Variants in FAM98B observed in about 807,000 individuals in gnomAD.
FAM98B encodes tRNA splicing ligase complex subunit 3B, also known as tRNA-splicing ligase complex subunit FAM98B.
In FAM98B, 32 loss-of-function variants were observed where a neutral mutation model predicts 43.9. The ratio of observed to expected loss-of-function variants is 0.73; its 90% CI spans 0.55 to 0.98. FAM98B has a LOEUF of 0.98. Among genes scored for constraint, FAM98B ranks in the 50% least tolerant of loss-of-function variants. The pLI is 0.00. For synonymous variants in FAM98B, 190 were observed against 174.0 expected (o/e 1.09, Z -0.72); for missense variants, 514 against 522.9 (o/e 0.98, Z 0.17).
At chr15:38,468,525 A>G (rs1890074965) in intron 3 of FAM98B, among the ~76,000 whole-genome samples, 1 of 152,230 alleles carries the variant, frequency 6.6e-6, no homozygotes, top group South Asian at 2.1e-4. Context: ...AGCTGGTCTT[A>G]ATGAAGTTTT....
intron 1 of FAM98B, among the ~76,000 whole-genome samples, chr15:38,463,827 G>A (rs1357597794): frequency 6.6e-6 from 1 of 152,154 alleles, no homozygotes; most frequent in African/African-American, 2.4e-5. Flanking sequence ...AGGCCATGTA[G>A]TCATCATTTT....
intron 1 of FAM98B, among the ~76,000 whole-genome samples, chr15:38,457,407 G>A (rs1363832570): frequency 6.6e-6 from 1 of 152,162 alleles, no homozygotes; most frequent in African/African-American, 2.4e-5. Flanking sequence ...TGTGAAGATA[G>A]GAGAGAGTTG....
chr15:38,461,618 G>C (rs74009810), intron 1 of FAM98B, among the ~76,000 whole-genome samples: 85 of 152,134 alleles, frequency 5.6e-4, no homozygotes, highest in African/African-American at 2.0e-3. Context: ...TGAAGTCTTA[G>C]TTTCTTTACC....
Position 38,474,209 on chromosome 15 carries a change from C to T in FAM98B, c.640C>T (p.Leu214Phe), listed in dbSNP as rs1566900025. The change falls in exon 6 of 8, where the codon CTT (leucine) becomes TTT (phenylalanine). Residue 214 changes from leucine (L) to phenylalanine (F), a missense_variant. Leu to Phe is a conservative substitution (Grantham distance 22, BLOSUM62 0). Transcript: ENST00000397609. ...ACAACTGGAAAGAATCAATGATGCT[C>T]TTTCCTGTGAATATGAGTGCCGCCG... ...AEQLERINDA[L>F]SCEYECRRRM... is the part of the protein sequence containing the mutation. 6.2e-7 allele frequency: 1 copy of T among 1,613,702 alleles called. No individual in the cohort carries two copies. Among genetic ancestry groups the T allele is most frequent in the South Asian group, 1.1e-5 (1 of 91,062 alleles).
intron 5 of FAM98B, among the ~76,000 whole-genome samples, chr15:38,473,931 T>G (rs1034764487): frequency 6.6e-6 from 1 of 152,204 alleles, no homozygotes; most frequent in Admixed American, 6.5e-5. Context: ...CAAATTTGAT[T>G]ATAGATAAAG....
chr15:38,470,565 G>A (rs1190952227), intron 4 of FAM98B, 160 bp downstream of exon 4: 6 of 566,830 alleles, frequency 1.1e-5, no homozygotes, highest in Non-Finnish European at 1.8e-5. Context: ...TAACAGGCAT[G>A]TGACCTAATC....
intron 1 of FAM98B, among the ~76,000 whole-genome samples, chr15:38,458,057 T>C (rs1359595331): frequency 1.3e-5 from 2 of 151,504 alleles, no homozygotes; most frequent in East Asian, 1.9e-4. Context: ...TCCTTCCCCA[T>C]AGGTTCGAGA....
chr15:38,483,995 A>C (rs1595805792), intron 7 of FAM98B, among the ~76,000 whole-genome samples: 2 of 152,094 alleles, frequency 1.3e-5, no homozygotes, highest in African/African-American at 4.8e-5. Context: ...ATTTGAAACT[A>C]TATATTAACT....
intron 1 of FAM98B, among the ~76,000 whole-genome samples, 179 bp downstream of exon 1, chr15:38,454,411 G>C (rs1028921304): frequency 2.0e-5 from 3 of 152,260 alleles, no homozygotes; most frequent in Admixed American, 6.5e-5. Flanking sequence ...ATCTATTTGG[G>C]GGGTGGAGCA....
At position 38,470,361 on chromosome 15, in the gene FAM98B, A is replaced by T; in HGVS notation, c.487A>T (p.Thr163Ser). 6.2e-7 allele frequency: 1 copy of T among 1,602,586 alleles called. No homozygotes were observed. The highest frequency in any genetic ancestry group is 1.3e-5 in the African/African-American group (1 of 74,274). Residue 163 changes from threonine (T) to serine (S), a missense_variant, in exon 4 of 8, where the codon ACA becomes TCA. Thr to Ser is a moderately conservative substitution (Grantham distance 58, BLOSUM62 1). Coordinates refer to ENST00000397609, the MANE Select transcript of FAM98B (RefSeq NM_173611.4). ...MFDTLGIPKS[T>S]TSDIPHMLNQ... ...TGATACACTTGGTATACCCAAGTCA[A>T]CAACTTCTGACATTCCGCATATGCT...
intron 6 of FAM98B, among the ~76,000 whole-genome samples, chr15:38,478,050 G>A (rs1337319419): frequency 6.6e-6 from 1 of 152,198 alleles, no homozygotes; most frequent in Non-Finnish European, 1.5e-5. Flanking sequence ...AAATTGTGAA[G>A]GGTATTTGCA....
chr15:38,484,161 T>C (rs139099792), intron 7 of FAM98B, 94 bp from the exon 8 acceptor site: 23,426 of 1,114,448 alleles, frequency 0.021, 290 homozygotes, highest in Middle Eastern at 0.028. Flanking sequence ...TCCTTAAATA[T>C]TGGCTTCTGT....
chr15:38,472,716 A>G (rs1232077948), intron 4 of FAM98B, among the ~76,000 whole-genome samples: 2 of 152,064 alleles, frequency 1.3e-5, no homozygotes, highest in South Asian at 4.1e-4. Context: ...CTTTCCTTAA[A>G]GAGTGCCCCC....
rs139435266 is a variant in FAM98B, at chr15:38,481,392, A to C, written c.830A>C (p.Asp277Ala). Residue 277 changes from aspartate to alanine, a missense_variant, in exon 7 of 8, where the codon GAT becomes GCT. By Grantham distance (126) the Asp-to-Ala change is moderately radical (BLOSUM62 -2). Around this residue, in one of 2 missense-constraint regions of FAM98B, gnomAD observed 469 missense variants for 451.8 expected, o/e 1.04. Coordinates refer to ENST00000397609, the MANE Select transcript of FAM98B (RefSeq NM_173611.4). ...GCACATCTACTTGCTGCTCGTGAAG[A>C]TCTATCCAAGATCATTAGGACAAGT... Reference protein sequence around the residue: ...TMAHLLAAREDLSKIIRTSSG... With the variant: ...TMAHLLAAREALSKIIRTSSG... The C allele has an allele frequency of 1.9e-4, 312 of 1,614,206 alleles. No individual in the cohort carries two copies. Among genetic ancestry groups the C allele is most frequent in the Non-Finnish European group, 2.2e-4 (256 of 1,180,028 alleles).
At chr15:38,469,552 A>G (rs1890092192) in intron 3 of FAM98B, among the ~76,000 whole-genome samples, 1 of 152,188 alleles carries the variant, frequency 6.6e-6, no homozygotes, top group African/African-American at 2.4e-5. Flanking sequence ...TAGGCATCAT[A>G]TCTTCCTTGA....
chr15:38,481,357 G>A lies in FAM98B; in HGVS notation c.795G>A (p.Thr265=), dbSNP rs761793572. ...PKRYALSPKT[T]ITMAHLLAAR... ...GTTATGCTTTGTCACCCAAGACAAC[G>A]ATTACAATGGCACATCTACTTGCTG... Residue 265 remains threonine, a synonymous_variant, in exon 7 of 8, where the codon ACG becomes ACA. Coordinates refer to ENST00000397609, the MANE Select transcript of FAM98B (RefSeq NM_173611.4). The A allele has an allele frequency of 6.1e-5, 98 of 1,613,974 alleles. No homozygotes were observed. Among genetic ancestry groups the A allele is most frequent in the Non-Finnish European group, 7.9e-5 (93 of 1,180,026 alleles).
intron 6 of FAM98B, among the ~76,000 whole-genome samples, 165 bp from the exon 7 acceptor site, chr15:38,481,123 ATTTG>A (rs1279682042): frequency 6.6e-6 from 1 of 151,804 alleles, no homozygotes; most frequent in Non-Finnish European, 1.5e-5. Flanking sequence ...GGTCTATTTT[ATTTG>A]TTCTAAATTA....
intron 6 of FAM98B, among the ~76,000 whole-genome samples, chr15:38,474,963 G>T (rs147716304): frequency 5.3e-5 from 8 of 152,168 alleles, no homozygotes; most frequent in Non-Finnish European, 1.2e-4. Context: ...ACCATCATTG[G>T]TTCACATCAC....
chr15:38,466,672 G>A (rs1409202576), intron 3 of FAM98B, among the ~76,000 whole-genome samples: 4 of 152,048 alleles, frequency 2.6e-5, no homozygotes, highest in Admixed American at 2.6e-4. Context: ...TGAGGAAGAC[G>A]AAAAAGTTCT....
Sources: gnomAD v4.1 joint callset for allele counts (sites outside exome capture counted in the v4.1 genomes callset) on GRCh38, gnomAD v4.1.1 for gene constraint, gnomAD v4.1.1 regional missense constraint, MANE v1.5 for transcripts, NCBI Gene and HGNC (gene_info 2026-07-23, HGNC 2026-07-21) for gene names.